LARS1: variants seen among roughly 807,000 people sequenced by gnomAD.
LARS1 encodes the protein leucine--tRNA ligase, cytoplasmic.
A neutral mutation model predicts 162.8 loss-of-function variants in LARS1; 100 were observed. The observed-to-expected ratio is 0.61, with a 90% CI of 0.52 to 0.73. The LOEUF (loss-of-function observed/expected upper bound fraction) is 0.73, where lower values mean the gene tolerates loss of function less well. Among genes scored for constraint, LARS1 ranks in the 30% least tolerant of loss-of-function variants. The pLI is 0.00. For missense variants in LARS1, 1,258 were observed against 1,408.9 expected, an observed-to-expected ratio of 0.89 and a Z score of 1.71; for synonymous variants, 457 against 462.8, an observed-to-expected ratio of 0.99 and a Z score of 0.16.
At chr5:146,154,648 T>G (rs941455155) in intron 10 of LARS1, among the ~76,000 whole-genome samples, 1 of 151,678 alleles carries the variant, frequency 6.6e-6, no homozygotes, top group Admixed American at 6.6e-5. Flanking sequence ...CGTGGTGGCA[T>G]GCGCCTGTAG....
In LARS1 at chr5:146,120,214, C is replaced by G. The variant is rs73315731; in HGVS notation, c.3325+157G>C. Reference sequence around the variant, plus strand: ...ACTAAGCTACCTAGCCACAGAGTCCCAAAAAGAATAGTTTTCTTGATTCTG... The same window carrying G: ...ACTAAGCTACCTAGCCACAGAGTCCGAAAAAGAATAGTTTTCTTGATTCTG... On this transcript the variant is annotated intron_variant, in intron 31 of 31. Coordinates refer to ENST00000394434, the MANE Select transcript of LARS1 (RefSeq NM_020117.11). 4.2e-3 allele frequency: 3,429 copies of G among 809,248 alleles called. 84 individuals are homozygous for G. The African/African-American group carries it at 0.052, about 12-fold the overall frequency. The allele number at this position is 809,248 out of a possible 1,614,324, so 50.1% of individuals were successfully genotyped here. A position where few individuals can be genotyped will look rare whatever the true frequency, so the allele number is the denominator to read the frequency against.
At chr5:146,139,328 G>C (rs1752656273) in intron 21 of LARS1, among the ~76,000 whole-genome samples, 1 of 146,854 alleles carries the variant, frequency 6.8e-6, no homozygotes, top group Admixed American at 6.8e-5. Flanking sequence ...GGGCGAAAGA[G>C]TGAGATTCCA....
intron 31 of LARS1, among the ~76,000 whole-genome samples, chr5:146,119,343 G>A (rs898842327): frequency 2.0e-5 from 3 of 152,096 alleles, no homozygotes; most frequent in Non-Finnish European, 2.9e-5. Flanking sequence ...AAACAACTTC[G>A]AGAGAACACA....
chr5:146,131,375 C>T (rs1752270951), intron 23 of LARS1: 1 of 253,040 alleles, frequency 4.0e-6, no homozygotes, highest in Non-Finnish European at 7.4e-6. Flanking sequence ...CTGCTTAGGG[C>T]TCCTGTTTAT....
At chr5:146,132,756 G>T in intron 23 of LARS1, 142 bp downstream of exon 23, 1 of 628,418 alleles carries the variant, frequency 1.6e-6, no homozygotes, top group Non-Finnish European at 2.6e-6. Context: ...CCCGGCACAA[G>T]TAAGCCTTCA....
intron 2 of LARS1, among the ~76,000 whole-genome samples, chr5:146,175,017 G>C (rs903048598): frequency 2.0e-5 from 3 of 151,982 alleles, no homozygotes; most frequent in Non-Finnish European, 4.4e-5. Context: ...CCCAGGAGTT[G>C]GGACCAGCCT....
At chr5:146,148,608 G>A (rs1230601155) in intron 15 of LARS1, among the ~76,000 whole-genome samples, 2 of 152,068 alleles carry the variant, frequency 1.3e-5, no homozygotes, top group Non-Finnish European at 2.9e-5. Context: ...GAGAAGACAG[G>A]GTATGGAGTA....
intron 31 of LARS1, among the ~76,000 whole-genome samples, chr5:146,116,404 C>T (rs1262362744): frequency 6.6e-6 from 1 of 152,194 alleles, no homozygotes; most frequent in Admixed American, 6.5e-5. Flanking sequence ...AGACCTCCCT[C>T]ATCATTCCAA....
Position 146,171,888 on chromosome 5 carries a change from C to A in LARS1, c.294+22G>T, listed in dbSNP as rs887951294. The A allele has an allele frequency of 9.5e-6, 15 of 1,581,904 alleles. No individual in the cohort carries two copies. In the Admixed American group the frequency reaches 2.2e-4, roughly 24 times the overall value. ...TTGCTCCAACTAAAAAGAGTAGAAA[C>A]CAATCCTATTAGCGATCTTACCTTA... is the stretch of plus-strand genomic sequence containing the variant. On this transcript the variant is annotated intron_variant, in intron 4 of 31. Transcript: ENST00000394434.
At chr5:146,125,181 T>C (rs1751993655) in intron 28 of LARS1, among the ~76,000 whole-genome samples, 1 of 152,058 alleles carries the variant, frequency 6.6e-6, no homozygotes, top group Admixed American at 6.6e-5. Context: ...TTATGACCAA[T>C]GACACTAGCC....
chr5:146,157,762 A>G lies in LARS1; in HGVS notation c.805T>C (p.Leu269=). ...GATGGGTATGGCTCAAGCACCTTCA[A>G]TTTGAGTAAAGTATATTCCTGAGGT... ...VGPQEYTLLK[L]KVLEPYPSKL... Residue 269 remains leucine (L), a synonymous_variant, in exon 9 of 32, where the codon TTG becomes CTG. Transcript: ENST00000394434. 5 of 1,614,180 alleles carry G rather than the reference A, an allele frequency of 3.1e-6. No homozygotes were observed. The highest frequency in any genetic ancestry group is 4.2e-6 in the Non-Finnish European group (5 of 1,180,020).
intron 27 of LARS1, 63 bp from the exon 28 acceptor site, chr5:146,126,608 T>C (rs766532852): frequency 4.2e-5 from 45 of 1,081,714 alleles, no homozygotes; most frequent in Non-Finnish European, 5.9e-5. Flanking sequence ...GGCAGAACAG[T>C]AGATGTGACC....
At position 146,128,766 on chromosome 5, in the gene LARS1, G is replaced by A. The variant is rs1581014819; in HGVS notation, c.2786C>T (p.Pro929Leu). 6.2e-7 allele frequency: 1 copy of A among 1,602,070 alleles called. No homozygotes were observed. Among genetic ancestry groups the A allele is most frequent in the South Asian group, 1.1e-5 (1 of 88,590 alleles). ...GGTGCAATGTGAGGGCTTCTGCAGG[G>A]GTTGTTTGTCAGTCTTCTAGACGGT... ...PAKGKKTDKQ[P>L]LQKPSHCTIY... The change falls in exon 27 of 32, where the codon CCC becomes CTC. Residue 929 changes from proline (P) to leucine (L), a missense_variant. Pro to Leu is a moderately conservative substitution (Grantham distance 98). Coordinates refer to ENST00000394434, the MANE Select transcript of LARS1 (RefSeq NM_020117.11).
chr5:146,117,419 G>A (rs1751606580), intron 31 of LARS1, among the ~76,000 whole-genome samples: 1 of 152,150 alleles, frequency 6.6e-6, no homozygotes, highest in Non-Finnish European at 1.5e-5. Context: ...AGACTAGCCT[G>A]GCCAAGTTGG....
At chr5:146,172,546 A>G in intron 3 of LARS1, 141 bp downstream of exon 3, 2 of 407,690 alleles carry the variant, frequency 4.9e-6, no homozygotes, top group South Asian at 1.2e-4. Context: ...AAAATAAATT[A>G]CTTAAATATA....
chr5:146,139,040 G>GAAAAAA (rs371218055), intron 21 of LARS1: 73 of 205,198 alleles, frequency 3.6e-4, no homozygotes, highest in South Asian at 8.3e-4. Context: ...GTGGATTTGT[G>GAAAAAA]AAAAAAAAAA....
chr5:146,128,569 T>C, intron 27 of LARS1, 103 bp downstream of exon 27: 1 of 637,968 alleles, frequency 1.6e-6, no homozygotes, highest in Non-Finnish European at 2.6e-6. Context: ...GAAACAAAGC[T>C]GCCTATCTTT....
chr5:146,163,834 TGA>T (rs1398257968), intron 6 of LARS1, among the ~76,000 whole-genome samples: 2 of 152,230 alleles, frequency 1.3e-5, no homozygotes, highest in Non-Finnish European at 2.9e-5. Flanking sequence ...CTTAAAATGA[TGA>T]GAGACATGTG....
At chr5:146,159,570 C>G (rs1753686190) in intron 7 of LARS1, 100 bp from the exon 8 acceptor site, 2 of 808,136 alleles carry the variant, frequency 2.5e-6, no homozygotes, top group Non-Finnish European at 4.2e-6. Context: ...TGTCTTGCAA[C>G]TAGAATTTCT....
Sources: gnomAD v4.1 joint callset for allele counts (sites outside exome capture counted in the v4.1 genomes callset) on GRCh38, gnomAD v4.1.1 for gene constraint, MANE v1.5 for transcripts, NCBI Gene and HGNC (gene_info 2026-07-23, HGNC 2026-07-21) for gene names.